CAMK1G: variants seen among roughly 807,000 people sequenced by gnomAD.
CAMK1G encodes the protein calcium/calmodulin dependent protein kinase IG, also known as calcium/calmodulin-dependent protein kinase type 1G.
A neutral mutation model predicts 54.8 loss-of-function variants in CAMK1G; 27 were observed. That is an observed-to-expected ratio of 0.49 (90% CI 0.36 to 0.68). CAMK1G has a LOEUF of 0.68. Among genes scored for constraint, CAMK1G ranks in the 30% least tolerant of loss-of-function variants. The pLI, the probability that CAMK1G is intolerant of heterozygous loss-of-function variation, is 0.00. For missense variants in CAMK1G, 512 were observed against 591.0 expected, an observed-to-expected ratio of 0.87 and a Z score of 1.39; for synonymous variants, 238 against 224.9, an observed-to-expected ratio of 1.06 and a Z score of -0.52.
chr1:209,601,942 C>T (rs968941547), intron 3 of CAMK1G, among the ~76,000 whole-genome samples: 2 of 152,130 alleles, frequency 1.3e-5, no homozygotes, highest in South Asian at 2.1e-4. Context: ...AGATCTGAAC[C>T]CAGGCCTGAC....
intron 3 of CAMK1G, among the ~76,000 whole-genome samples, chr1:209,601,999 T>C (rs1665541414): frequency 6.6e-6 from 1 of 152,048 alleles, no homozygotes; most frequent in Admixed American, 6.6e-5. Context: ...CAGCCAGGAG[T>C]AAACTTCCTA....
intron 1 of CAMK1G, among the ~76,000 whole-genome samples, chr1:209,584,408 G>A (rs977218953): frequency 6.6e-6 from 1 of 152,170 alleles, no homozygotes; most frequent in African/African-American, 2.4e-5. Context: ...GATGCAGAAC[G>A]CAGCCGAGCT....
chr1:209,603,153 G>T, intron 3 of CAMK1G, 61 bp from the exon 4 acceptor site: 1 of 1,560,640 alleles, frequency 6.4e-7, no homozygotes, highest in Non-Finnish European at 8.8e-7. Context: ...GGCTAGGTCT[G>T]CATTATTTGT....
intron 1 of CAMK1G, among the ~76,000 whole-genome samples, chr1:209,585,735 C>T (rs1402828694): frequency 6.6e-6 from 1 of 152,256 alleles, no homozygotes; most frequent in African/African-American, 2.4e-5. Context: ...CTCCCTCGCT[C>T]CCTCTCCCCC....
intron 1 of CAMK1G, among the ~76,000 whole-genome samples, chr1:209,594,249 C>A (rs1665325601): frequency 6.6e-6 from 1 of 152,288 alleles, no homozygotes; most frequent in African/African-American, 2.4e-5. Context: ...ACTTTACTTG[C>A]CCATTGCCCG....
At chr1:209,596,331 G>T (rs914999120) in intron 2 of CAMK1G, among the ~76,000 whole-genome samples, 2 of 152,142 alleles carry the variant, frequency 1.3e-5, no homozygotes, top group African/African-American at 4.8e-5. Flanking sequence ...AGTCAGAAAT[G>T]ATTTGCTAAG....
intron 1 of CAMK1G, among the ~76,000 whole-genome samples, chr1:209,592,364 A>AAC (rs1553272847): frequency 0.18 from 26,102 of 143,570 alleles, 3,254 homozygotes; most frequent in Non-Finnish European, 0.26. Flanking sequence ...AAAAAAAAAA[A>AAC]CTCCAGTACT....
chr1:209,599,798 G>A (rs1444452096), intron 2 of CAMK1G, among the ~76,000 whole-genome samples, 185 bp from the exon 3 acceptor site: 1 of 152,178 alleles, frequency 6.6e-6, no homozygotes, highest in East Asian at 1.9e-4. Flanking sequence ...GAAGAATACA[G>A]GTTCCCCCCT....
intron 2 of CAMK1G, among the ~76,000 whole-genome samples, chr1:209,596,513 A>G (rs899246167): frequency 6.6e-6 from 1 of 152,194 alleles, no homozygotes; most frequent in Non-Finnish European, 1.5e-5. Flanking sequence ...TCATCTGGAG[A>G]GTTTATGCCT....
intron 2 of CAMK1G, among the ~76,000 whole-genome samples, chr1:209,598,578 C>A (rs1253480813): frequency 1.3e-5 from 2 of 152,174 alleles, no homozygotes; most frequent in Non-Finnish European, 2.9e-5. Context: ...GGAAATAACA[C>A]CTGCCTAGCC....
rs770227942 is a variant in CAMK1G, at chr1:209,612,106, C to T, written c.1230C>T (p.Ser410=). 6.2e-7 allele frequency: 1 copy of T among 1,614,174 alleles called. No individual in the cohort carries two copies. Among genetic ancestry groups the T allele is most frequent in the South Asian group, 1.1e-5 (1 of 91,090 alleles). ...SSSLVPMHQG[S]LAAGPCGCCS... Reference sequence around the variant, plus strand: ...GCCTGGTGCCCATGCATCAGGGGTCCCTGGCCGCCGGGCCCTGTGGCTGCT... The same window carrying T: ...GCCTGGTGCCCATGCATCAGGGGTCTCTGGCCGCCGGGCCCTGTGGCTGCT... The change falls in exon 11 of 13, where the codon TCC becomes TCT. Residue 410 remains serine, a synonymous_variant. Transcript: ENST00000361322.
At chr1:209,606,956 C>T (rs1158404503) in intron 6 of CAMK1G, among the ~76,000 whole-genome samples, 3 of 152,158 alleles carry the variant, frequency 2.0e-5, no homozygotes, top group Middle Eastern at 3.2e-3. Flanking sequence ...GGTGGAGCTT[C>T]CTGCTTGAAC....
At chr1:209,594,683 AG>A (rs1308757964) in intron 1 of CAMK1G, among the ~76,000 whole-genome samples, 1 of 152,132 alleles carries the variant, frequency 6.6e-6, no homozygotes, top group East Asian at 1.9e-4. Context: ...GGATATTCCC[AG>A]GTTATCTACA....
intron 6 of CAMK1G, 49 bp from the exon 7 acceptor site, chr1:209,607,809 G>T (rs773277902): frequency 6.5e-7 from 1 of 1,541,442 alleles, no homozygotes; most frequent in Admixed American, 1.8e-5. Flanking sequence ...CCACCCCAAA[G>T]CCCTCTCCTC....
chr1:209,584,464 G>A (rs1462683462), intron 1 of CAMK1G, among the ~76,000 whole-genome samples: 8 of 152,114 alleles, frequency 5.3e-5, no homozygotes, highest in Admixed American at 2.0e-4. Flanking sequence ...CCCCAGGGGC[G>A]CGTCTACCTC....
At chr1:209,590,499 G>C (rs1202010780) in intron 1 of CAMK1G, among the ~76,000 whole-genome samples, 1 of 152,240 alleles carries the variant, frequency 6.6e-6, no homozygotes, top group Admixed American at 6.5e-5. Context: ...TCATAGCCTA[G>C]CTTCGGCTAA....
At chr1:209,590,963 T>C (rs1665231908) in intron 1 of CAMK1G, among the ~76,000 whole-genome samples, 1 of 151,966 alleles carries the variant, frequency 6.6e-6, no homozygotes, top group Non-Finnish European at 1.5e-5. Context: ...CCCATTTTTC[T>C]TTTTGCAGCC....
chr1:209,585,621 G>GC (rs907137453), intron 1 of CAMK1G, among the ~76,000 whole-genome samples: 3 of 152,210 alleles, frequency 2.0e-5, no homozygotes, highest in Non-Finnish European at 4.4e-5. Context: ...AGTGCCTAGC[G>GC]CGGTGCCCCA....
chr1:209,602,684 A>C (rs1381630788), intron 3 of CAMK1G, among the ~76,000 whole-genome samples: 1 of 152,242 alleles, frequency 6.6e-6, no homozygotes, highest in African/African-American at 2.4e-5. Flanking sequence ...CCTACCAGCT[A>C]TGTGTATAAG....
Sources: gnomAD v4.1 joint callset for allele counts (sites outside exome capture counted in the v4.1 genomes callset) on GRCh38, gnomAD v4.1.1 for gene constraint, MANE v1.5 for transcripts, NCBI Gene and HGNC (gene_info 2026-07-23, HGNC 2026-07-21) for gene names.